Variants in SAXO1 observed in about 807,000 individuals in gnomAD.
SAXO1 encodes 4930500O09Rik.
In SAXO1, 21 loss-of-function variants were observed where a neutral mutation model predicts 17.5. The observed-to-expected ratio is 1.20, with a 90% CI of 0.85 to 1.72. SAXO1 has a LOEUF of 1.72. Among genes scored for constraint, SAXO1 ranks in the 40% most tolerant of loss-of-function variants. The pLI, the probability that SAXO1 is intolerant of heterozygous loss-of-function variation, is 0.00. For missense variants in SAXO1, 843 were observed against 596.0 expected (o/e 1.41, Z -4.32); for synonymous variants, 274 against 216.5 (o/e 1.27, Z -2.33).
intron 1 of SAXO1, among the ~76,000 whole-genome samples, chr9:18,955,076 C>T (rs191244405): frequency 9.2e-5 from 14 of 152,264 alleles, no homozygotes; most frequent in Non-Finnish European, 1.3e-4. Context: ...ACCTGCCTAT[C>T]GTCCCAGCTA....
At chr9:19,027,601 G>A in intron 1 of SAXO1, 2 of 1,430,364 alleles carry the variant, frequency 1.4e-6, no homozygotes, top group East Asian at 4.6e-5. Flanking sequence ...GCCCCCAGCT[G>A]GTGCAGATGT....
chr9:18,944,287 T>A (rs1563933773), intron 2 of SAXO1, among the ~76,000 whole-genome samples: 2 of 152,250 alleles, frequency 1.3e-5, no homozygotes, highest in Non-Finnish European at 2.9e-5. Flanking sequence ...ACATAGTTAC[T>A]GTGGCTTAGG....
chr9:19,041,125 T>C (rs144286263), intron 1 of SAXO1, among the ~76,000 whole-genome samples: 3,301 of 113,396 alleles, frequency 0.029, 48 homozygotes, highest in Middle Eastern at 0.037. Flanking sequence ...CATACGAAAA[T>C]CAGGAGCACT....
At chr9:19,001,392 G>A (rs1010020786) in intron 1 of SAXO1, among the ~76,000 whole-genome samples, 10 of 152,144 alleles carry the variant, frequency 6.6e-5, no homozygotes, top group Non-Finnish European at 1.5e-4. Flanking sequence ...TTGAAGCCAG[G>A]TGCGGTGGCT....
intron 1 of SAXO1, among the ~76,000 whole-genome samples, chr9:19,018,151 G>C (rs554425826): frequency 6.7e-6 from 1 of 150,166 alleles, no homozygotes; most frequent in South Asian, 2.1e-4. Context: ...TGGGGCAACA[G>C]AGCAAGACCC....
intron 1 of SAXO1, among the ~76,000 whole-genome samples, chr9:18,954,465 T>A (rs1342376883): frequency 1.3e-5 from 2 of 151,992 alleles, no homozygotes; most frequent in East Asian, 3.9e-4. Flanking sequence ...GCCTCCCAAG[T>A]AGCTGGGACC....
chr9:19,042,235 C>G (rs1836095074), intron 1 of SAXO1, among the ~76,000 whole-genome samples: 1 of 152,070 alleles, frequency 6.6e-6, no homozygotes, highest in Non-Finnish European at 1.5e-5. Flanking sequence ...ATCAAAATGA[C>G]AATGAGATAT....
At chr9:18,929,412 T>C (rs933631659) in intron 3 of SAXO1, among the ~76,000 whole-genome samples, 1 of 152,182 alleles carries the variant, frequency 6.6e-6, no homozygotes, top group Non-Finnish European at 1.5e-5. Context: ...AGGTACTTTC[T>C]CTGAATCAGC....
intron 1 of SAXO1, among the ~76,000 whole-genome samples, chr9:18,983,545 G>T (rs1293609625): frequency 1.3e-5 from 2 of 152,200 alleles, no homozygotes; most frequent in African/African-American, 4.8e-5. Context: ...ACCAGAAGTA[G>T]ATTCCATCTC....
At chr9:18,961,512 A>G (rs566027187) in intron 1 of SAXO1, among the ~76,000 whole-genome samples, 1 of 143,894 alleles carries the variant, frequency 6.9e-6, no homozygotes, top group African/African-American at 2.6e-5. Flanking sequence ...AACAGACCCC[A>G]GTGTGTGATG....
At chr9:18,964,664 G>A (rs1448758364) in intron 1 of SAXO1, among the ~76,000 whole-genome samples, 1 of 151,998 alleles carries the variant, frequency 6.6e-6, no homozygotes. Flanking sequence ...TTCTTTATTA[G>A]TCTGGCTAGT....
chr9:18,998,391 A>G (rs1293422457), intron 1 of SAXO1, among the ~76,000 whole-genome samples: 1 of 152,192 alleles, frequency 6.6e-6, no homozygotes, highest in Non-Finnish European at 1.5e-5. Flanking sequence ...TTAATCAAAT[A>G]AAGTGAGAAG....
chr9:19,032,965 C>A lies in SAXO1; in HGVS notation c.-57G>T. 1 of 1,562,106 alleles carries A rather than the reference C, an allele frequency of 6.4e-7. No homozygotes were observed. ...AGAGCATCGCCAGCTGCAGCCGACT[C>A]CTAGACCCCAACCACCTGTCTTGGG... On this transcript the variant is annotated 5_prime_UTR_variant, in exon 1 of 4. Transcript: ENST00000380534.
intron 1 of SAXO1, among the ~76,000 whole-genome samples, chr9:19,030,350 G>A (rs982037913): frequency 1.1e-4 from 17 of 152,094 alleles, no homozygotes; most frequent in Admixed American, 8.5e-4. Flanking sequence ...GGTTGTAACC[G>A]GAATAAAAGG....
intron 1 of SAXO1, among the ~76,000 whole-genome samples, chr9:19,010,768 C>A (rs1834699157): frequency 6.6e-6 from 1 of 152,140 alleles, no homozygotes; most frequent in Non-Finnish European, 1.5e-5. Flanking sequence ...AGGAAATTTT[C>A]TTTCAATGTG....
chr9:18,949,543 A>G (rs915458075), intron 2 of SAXO1, among the ~76,000 whole-genome samples: 1 of 152,170 alleles, frequency 6.6e-6, no homozygotes, highest in African/African-American at 2.4e-5. Context: ...GCCCCTGTCC[A>G]GTGGTTTCCA....
intron 1 of SAXO1, among the ~76,000 whole-genome samples, chr9:18,992,375 C>T (rs1833847165): frequency 6.6e-6 from 1 of 152,198 alleles, no homozygotes; most frequent in African/African-American, 2.4e-5. Context: ...ACATTGTCTT[C>T]CCTCTGTCCA....
intron 1 of SAXO1, among the ~76,000 whole-genome samples, chr9:18,990,584 A>C (rs924401255): frequency 6.6e-6 from 1 of 152,162 alleles, no homozygotes; most frequent in African/African-American, 2.4e-5. Flanking sequence ...AGAGGTCCCC[A>C]ACCCCTGGGC....
At chr9:19,017,765 C>A (rs1835046962) in intron 1 of SAXO1, among the ~76,000 whole-genome samples, 1 of 152,220 alleles carries the variant, frequency 6.6e-6, no homozygotes, top group South Asian at 2.1e-4. Context: ...TCTCCTACAC[C>A]TTCTAATGCA....
Sources: allele counts gnomAD v4.1 joint callset (sites outside exome capture counted in the v4.1 genomes callset), GRCh38; gene constraint gnomAD v4.1.1; transcripts MANE v1.5; gene names NCBI Gene and HGNC (gene_info 2026-07-23, HGNC 2026-07-21).